The following LRMDA variants were observed in gnomAD, a reference collection of about 807,000 sequenced individuals.
LRMDA encodes the protein leucine-rich melanocyte differentiation-associated protein.
Under a neutral mutation model 29.8 loss-of-function variants are expected in LRMDA, and 18 were observed. The ratio of observed to expected loss-of-function variants is 0.60; its 90% confidence interval spans 0.42 to 0.90. The LOEUF (loss-of-function observed/expected upper bound fraction) is 0.90. Among genes scored for constraint, LRMDA ranks in the 40% least tolerant of loss-of-function variants. The pLI is 0.00. For missense variants in LRMDA, 273 were observed against 273.9 expected (o/e 1.00, Z 0.02); for synonymous variants, 125 against 109.4 (o/e 1.14, Z -0.89).
At chr10:75,637,889 G>A (rs532287524) in intron 2 of LRMDA, among the ~76,000 whole-genome samples, 17 of 152,298 alleles carry the variant, frequency 1.1e-4, no homozygotes, top group South Asian at 2.1e-4. Context: ...AACCCCATTT[G>A]CATGGTGTGC....
intron 2 of LRMDA, among the ~76,000 whole-genome samples, chr10:75,528,051 G>A (rs1845434614): frequency 6.6e-6 from 1 of 152,072 alleles, no homozygotes; most frequent in Non-Finnish European, 1.5e-5. Flanking sequence ...CTCCCAAAGT[G>A]CTGGGATTAT....
At chr10:75,996,316 G>T (rs1847460949) in intron 2 of LRMDA, among the ~76,000 whole-genome samples, 1 of 152,164 alleles carries the variant, frequency 6.6e-6, no homozygotes. Context: ...TAGGTTCATG[G>T]GGAGTTTTGA....
At chr10:76,199,501 C>T (rs1383795200) in intron 5 of LRMDA, among the ~76,000 whole-genome samples, 1 of 152,138 alleles carries the variant, frequency 6.6e-6, no homozygotes, top group East Asian at 1.9e-4. Context: ...CTTAGAACCA[C>T]AGGCATTTAC....
At chr10:75,908,742 C>T (rs995338266) in intron 2 of LRMDA, among the ~76,000 whole-genome samples, 2 of 151,730 alleles carry the variant, frequency 1.3e-5, no homozygotes, top group Non-Finnish European at 2.9e-5. Flanking sequence ...TGGGATCATG[C>T]GATTTTTGTA....
intron 6 of LRMDA, among the ~76,000 whole-genome samples, chr10:76,478,340 C>A (rs765433536): frequency 1.6e-4 from 25 of 152,070 alleles, no homozygotes; most frequent in Non-Finnish European, 3.7e-4. Context: ...AATCAAAACC[C>A]AATGAGATAC....
In LRMDA at chr10:76,411,823, A is replaced by G. The variant is rs1364655877; in HGVS notation, c.601+87338A>G. On this transcript the variant is annotated intron_variant, in intron 6 of 6. Transcript: ENST00000611255. ...GGGCCTCCCTGTGCTCTTTTGGGGC[A>G]GGCCACTTTGGAGACATAACAAATA... Among the ~76,000 whole-genome samples the G allele has an allele frequency of 2.0e-5, 3 of 152,152 alleles. No individual in the cohort carries two copies. In the East Asian group the frequency reaches 5.8e-4, roughly 29 times the overall value.
chr10:75,755,150 C>A (rs968241035), intron 2 of LRMDA, among the ~76,000 whole-genome samples: 3 of 152,050 alleles, frequency 2.0e-5, no homozygotes, highest in Non-Finnish European at 4.4e-5. Flanking sequence ...CCTTCATCTA[C>A]TGTCAACACA....
At chr10:75,557,789 C>T (rs1034176518) in intron 2 of LRMDA, among the ~76,000 whole-genome samples, 1 of 152,158 alleles carries the variant, frequency 6.6e-6, no homozygotes, top group South Asian at 2.1e-4. Flanking sequence ...AGCTCTTTTC[C>T]TCTTCTTTTA....
chr10:75,977,126 T>A (rs1439637900), intron 2 of LRMDA, among the ~76,000 whole-genome samples: 2 of 90,906 alleles, frequency 2.2e-5, no homozygotes, highest in African/African-American at 6.6e-5. Flanking sequence ...TTTCTTCCCT[T>A]TTTTTTTTTT....
chr10:76,480,211 C>T (rs866099350), intron 6 of LRMDA, among the ~76,000 whole-genome samples: 1 of 151,812 alleles, frequency 6.6e-6, no homozygotes, highest in Non-Finnish European at 1.5e-5. Context: ...CTTGAATTTT[C>T]CCCCAGATGT....
intron 2 of LRMDA, among the ~76,000 whole-genome samples, chr10:75,521,238 C>A (rs1171015800): frequency 6.6e-6 from 1 of 152,236 alleles, no homozygotes; most frequent in Non-Finnish European, 1.5e-5. Context: ...CTGCTCTCTT[C>A]AGAGCTGTCA....
At chr10:76,430,011 C>T (rs1339394544) in intron 6 of LRMDA, among the ~76,000 whole-genome samples, 1 of 152,198 alleles carries the variant, frequency 6.6e-6, no homozygotes, top group Non-Finnish European at 1.5e-5. Context: ...TATTTCCATA[C>T]TTTATAAAAG....
At chr10:75,667,490 G>A (rs1315718564) in intron 2 of LRMDA, among the ~76,000 whole-genome samples, 2 of 152,128 alleles carry the variant, frequency 1.3e-5, no homozygotes, top group Non-Finnish European at 2.9e-5. Context: ...TTTAGAGACA[G>A]GGTTTTGCTA....
Position 76,047,685 on chromosome 10 carries a change from C to A in LRMDA, c.398+382C>A, listed in dbSNP as rs377117924. ...AAAGCTTTATTTACAAAACAGATGGCAGGCCAGATTTCACCCATGGGCTGT... is the reference window on the plus strand; with the variant it reads ...AAAGCTTTATTTACAAAACAGATGGAAGGCCAGATTTCACCCATGGGCTGT... On this transcript the variant is annotated intron_variant, in intron 4 of 6. Transcript: ENST00000611255. Among the ~76,000 whole-genome samples, 47 of 152,308 alleles carry A rather than the reference C, an allele frequency of 3.1e-4. No homozygotes were observed. The South Asian group carries it at 9.3e-3, about 30-fold the overall frequency.
At chr10:75,855,080 C>T (rs1171066470) in intron 2 of LRMDA, among the ~76,000 whole-genome samples, 6 of 152,136 alleles carry the variant, frequency 3.9e-5, no homozygotes, top group African/African-American at 1.4e-4. Context: ...TGGGTATATA[C>T]CCAGTAATGG....
intron 6 of LRMDA, among the ~76,000 whole-genome samples, chr10:76,471,784 GA>G (rs1046145738): frequency 6.6e-6 from 1 of 151,628 alleles, no homozygotes; most frequent in African/African-American, 2.4e-5. Flanking sequence ...ACGAATAGCA[GA>G]AAAAAATAGA....
intron 3 of LRMDA, among the ~76,000 whole-genome samples, chr10:76,040,625 T>C (rs894655361): frequency 3.9e-5 from 6 of 152,056 alleles, no homozygotes; most frequent in Non-Finnish European, 7.4e-5. Context: ...CATCCCCAAC[T>C]CTTCCACCAG....
chr10:76,182,746 A>G (rs1454313038), intron 5 of LRMDA, among the ~76,000 whole-genome samples: 1 of 152,210 alleles, frequency 6.6e-6, no homozygotes, highest in African/African-American at 2.4e-5. Flanking sequence ...TGAAAGCAGT[A>G]AAGAACTGTG....
chr10:76,093,277 A>G (rs559728672), intron 5 of LRMDA, among the ~76,000 whole-genome samples: 15 of 151,544 alleles, frequency 9.9e-5, no homozygotes, highest in African/African-American at 3.6e-4. Flanking sequence ...AGCTCAAGTG[A>G]TTCTCCCAAA....
Sources: gnomAD v4.1 joint callset for allele counts (sites outside exome capture counted in the v4.1 genomes callset) on GRCh38, gnomAD v4.1.1 for gene constraint, MANE v1.5 for transcripts, NCBI Gene and HGNC (gene_info 2026-07-23, HGNC 2026-07-21) for gene names.